The following AGPAT3 variants were observed in gnomAD, a reference collection of about 807,000 sequenced individuals.
AGPAT3 encodes the protein 1-acyl-sn-glycerol-3-phosphate acyltransferase gamma.
A neutral mutation model predicts 47.3 loss-of-function variants in AGPAT3; 5 were observed. That is an observed-to-expected ratio of 0.11 (90% confidence interval 0.06 to 0.22). The LOEUF is 0.22. Ranked by LOEUF, AGPAT3 falls within the 10% of genes least tolerant of loss-of-function variation. The pLI is 1.00. For missense variants in AGPAT3, 315 were observed against 493.0 expected (o/e 0.64, Z 3.42); for synonymous variants, 212 against 208.3 (o/e 1.02, Z -0.15).
Position 43,908,444 on chromosome 21 carries a change from C to T in AGPAT3, c.-49+4425C>T, listed in dbSNP as rs1248324757. 1.3e-5 allele frequency among the ~76,000 whole-genome samples: 2 copies of T among 152,164 alleles called. No individual in the cohort carries two copies. Among genetic ancestry groups the T allele is most frequent in the East Asian group, 1.9e-4 (1 of 5,192 alleles). ...ACATGGGCTGGGAACTTGTGGAACC[C>T]GGTGTGTATGACTCGCTCCGTGATT... On this transcript the variant is annotated intron_variant, in intron 2 of 9. Coordinates refer to ENST00000291572, the MANE Select transcript of AGPAT3 (RefSeq NM_020132.5). The surrounding 1 kb of genome is among the most constrained non-coding windows in gnomAD (Gnocchi z 4.9).
chr21:43,900,975 C>T (rs2086335726), intron 1 of AGPAT3, among the ~76,000 whole-genome samples: 1 of 152,118 alleles, frequency 6.6e-6, no homozygotes, highest in African/African-American at 2.4e-5. Flanking sequence ...GACTGCCATA[C>T]AGAAAACCCA....
intron 2 of AGPAT3, among the ~76,000 whole-genome samples, chr21:43,947,536 C>T (rs2087953312): frequency 6.6e-6 from 1 of 152,190 alleles, no homozygotes; most frequent in African/African-American, 2.4e-5. Context: ...TCGGGCCCGT[C>T]CAGTGTCTGT....
chr21:43,902,306 C>T (rs1206385285), intron 1 of AGPAT3, among the ~76,000 whole-genome samples: 1 of 152,216 alleles, frequency 6.6e-6, no homozygotes, highest in Non-Finnish European at 1.5e-5. Context: ...CTTCACCCTA[C>T]TTTATGCTAT....
At chr21:43,873,127 T>C (rs1013451962) in intron 1 of AGPAT3, among the ~76,000 whole-genome samples, 1 of 150,800 alleles carries the variant, frequency 6.6e-6, no homozygotes, top group Non-Finnish European at 1.5e-5. Context: ...GAGTGGCGGG[T>C]GCACCTGCCG....
intron 7 of AGPAT3, among the ~76,000 whole-genome samples, chr21:43,973,165 G>A (rs1434146634): frequency 2.0e-5 from 3 of 152,244 alleles, no homozygotes; most frequent in African/African-American, 7.2e-5. Flanking sequence ...GATTAGAGGC[G>A]GAGGCGTTCT....
intron 1 of AGPAT3, among the ~76,000 whole-genome samples, chr21:43,870,702 A>G (rs2085606726): frequency 6.6e-6 from 1 of 152,264 alleles, no homozygotes; most frequent in Admixed American, 6.5e-5. Flanking sequence ...AGCCTGGGTG[A>G]CAGAGCCAGA....
At chr21:43,872,330 G>A (rs567979351) in intron 1 of AGPAT3, among the ~76,000 whole-genome samples, 2 of 151,966 alleles carry the variant, frequency 1.3e-5, no homozygotes, top group South Asian at 2.1e-4. Context: ...ACAGGCATAC[G>A]CCACCATGCC....
chr21:43,933,422 G>T lies in AGPAT3; in HGVS notation c.-48-26212G>T, dbSNP rs1042259384. ...AGTGGTCTATGTTTGCTTTTGTCGT[G>T]TATCTTTTTTAAAGCTCTGCCATCT... On this transcript the variant is annotated intron_variant, in intron 2 of 9. Transcript: ENST00000291572. This position sits in a 1 kb window ranked among gnomAD's most constrained non-coding sequence, Gnocchi z 6.0. Among the ~76,000 whole-genome samples, 1 of 152,096 alleles carries T rather than the reference G, an allele frequency of 6.6e-6. No homozygotes were observed. The highest frequency in any genetic ancestry group is 2.1e-4 in the South Asian group (1 of 4,818).
intron 1 of AGPAT3, among the ~76,000 whole-genome samples, chr21:43,890,823 T>TA (rs2086087848): frequency 1.3e-5 from 2 of 151,532 alleles, no homozygotes; most frequent in African/African-American, 4.9e-5. Flanking sequence ...CTGCAACCTC[T>TA]ACCTCCCAGG....
rs190154166 is a variant in AGPAT3, at chr21:43,963,319, G to A, written c.178+3460G>A. ...CTGAGGACCTCCTGAACTGATGAAG[G>A]CACGATTTTTCAGATACAGGAAGCA... On this transcript the variant is annotated intron_variant, in intron 3 of 9. Transcript: ENST00000291572. 2.0e-5 allele frequency among the ~76,000 whole-genome samples: 3 copies of A among 152,286 alleles called. No homozygotes were observed. The East Asian group carries it at 5.8e-4, about 29-fold the overall frequency.
rs569187109 is a variant in AGPAT3 at position 43,892,369 on chromosome 21, G to A, written c.-111-11588G>A. ...ATCCATGGGCTGCAGAGTGGATGTC[G>A]TGTTACCAGGTATGAAAGCAACATT... On this transcript the variant is annotated intron_variant, in intron 1 of 9. Coordinates refer to ENST00000291572, the MANE Select transcript of AGPAT3 (RefSeq NM_020132.5). Among the ~76,000 whole-genome samples the A allele has an allele frequency of 2.4e-4, 37 of 152,162 alleles. No homozygotes were observed. In the East Asian group the frequency reaches 5.8e-3, roughly 24 times the overall value.
chr21:43,970,830 G>A lies in AGPAT3; in HGVS notation c.664+24G>A, dbSNP rs775845410. The A allele has an allele frequency of 7.9e-6, 12 of 1,510,812 alleles. No homozygotes were observed. Among genetic ancestry groups the A allele is most frequent in the African/African-American group, 1.4e-5 (1 of 70,710 alleles). 93.6% of individuals were successfully genotyped at this position (1,510,812 alleles called of 1,614,324 possible). On this transcript the variant is annotated intron_variant, in intron 6 of 9. Coordinates refer to ENST00000291572, the MANE Select transcript of AGPAT3 (RefSeq NM_020132.5). The surrounding 1 kb of genome is among the most constrained non-coding windows in gnomAD (Gnocchi z 5.8). Reference sequence around the variant, plus strand: ...AGGTAGGCCCCAGACTGCCCGAGCCGGGGCCACCGCTATGCTCACGGAAAA... The same window carrying A: ...AGGTAGGCCCCAGACTGCCCGAGCCAGGGCCACCGCTATGCTCACGGAAAA...
intron 2 of AGPAT3, among the ~76,000 whole-genome samples, chr21:43,943,684 G>C (rs2087751175): frequency 6.6e-6 from 1 of 152,168 alleles, no homozygotes; most frequent in Admixed American, 6.5e-5. Context: ...GCCACGGCCT[G>C]TGTCACGGAG....
chr21:43,901,977 A>G (rs1386290886), intron 1 of AGPAT3, among the ~76,000 whole-genome samples: 1 of 152,220 alleles, frequency 6.6e-6, no homozygotes, highest in African/African-American at 2.4e-5. Flanking sequence ...ACTGATTTCC[A>G]GAAAAGAGGC....
chr21:43,876,850 TTTTG>T (rs1406398914), intron 1 of AGPAT3, among the ~76,000 whole-genome samples: 3 of 151,972 alleles, frequency 2.0e-5, no homozygotes, highest in African/African-American at 7.3e-5. Context: ...TTGTTTTGTT[TTTTG>T]TTTGTTTTAT....
At chr21:43,966,581 T>A (rs2089140561) in intron 3 of AGPAT3, 1 of 152,224 alleles carries the variant, frequency 6.6e-6, no homozygotes, top group Non-Finnish European at 1.5e-5. Flanking sequence ...GCCTGCAGCA[T>A]CATGACCGCT....
At chr21:43,979,803 G>A (rs2089774449) in intron 8 of AGPAT3, among the ~76,000 whole-genome samples, 1 of 152,196 alleles carries the variant, frequency 6.6e-6, no homozygotes, top group Admixed American at 6.5e-5. Flanking sequence ...GGAGCTGGGT[G>A]CTCAGGGGTG....
intron 1 of AGPAT3, among the ~76,000 whole-genome samples, chr21:43,891,506 G>A (rs576112244): frequency 1.4e-4 from 21 of 152,140 alleles, no homozygotes; most frequent in Admixed American, 2.0e-4. Flanking sequence ...GGTGGCAGGC[G>A]CCTGTAATCC....
intron 2 of AGPAT3, among the ~76,000 whole-genome samples, chr21:43,919,607 A>G (rs1205084686): frequency 6.6e-6 from 1 of 152,204 alleles, no homozygotes; most frequent in Non-Finnish European, 1.5e-5. Flanking sequence ...GCAAACATGC[A>G]TATGTCTTTT....
Sources: allele counts gnomAD v4.1 joint callset (sites outside exome capture counted in the v4.1 genomes callset), GRCh38; gene constraint gnomAD v4.1.1; non-coding constraint Gnocchi (gnomAD v3.1); transcripts MANE v1.5; gene names NCBI Gene and HGNC (gene_info 2026-07-23, HGNC 2026-07-21).